Variants in PLD2 observed in about 807,000 individuals in gnomAD.
PLD2 encodes choline phosphatase 2.
In PLD2, 101 loss-of-function variants were observed where a neutral mutation model predicts 119.8. The observed-to-expected ratio is 0.84, with a 90% CI of 0.72 to 0.99. The LOEUF is 0.99. PLD2 is among the 50% of genes least tolerant of loss of function. The probability of loss-of-function intolerance (pLI) is 0.00; values close to 1 mark genes in which losing one functional copy is unlikely to be tolerated. For missense variants in PLD2, 1,164 were observed against 1,226.8 expected, an observed-to-expected ratio of 0.95 and a Z score of 0.76; for synonymous variants, 494 against 482.8, an observed-to-expected ratio of 1.02 and a Z score of -0.30.
intron 9 of PLD2, 98 bp downstream of exon 9, chr17:4,810,127 C>G: frequency 8.2e-7 from 1 of 1,218,822 alleles, no homozygotes; most frequent in East Asian, 2.5e-5. Context: ...GAGAGGAAGG[C>G]TTTTCCACCT....
chr17:4,821,714 A>G, intron 23 of PLD2, 79 bp from the exon 24 acceptor site: 1 of 997,274 alleles, frequency 1.0e-6, no homozygotes, highest in East Asian at 2.4e-5. Context: ...TTACCTGAGT[A>G]GGGACAATGT....
chr17:4,809,527 T>C lies in PLD2; in HGVS notation c.590T>C (p.Ile197Thr), dbSNP rs1402526886. 6.2e-7 allele frequency: 1 copy of C among 1,607,394 alleles called. No individual in the cohort carries two copies. Among genetic ancestry groups the C allele is most frequent in the Non-Finnish European group, 8.5e-7 (1 of 1,175,672 alleles). The change falls in exon 7 of 25, where the codon ATC (isoleucine) becomes ACC (threonine). Residue 197 changes from isoleucine to threonine, a missense_variant. Transcript: ENST00000263088. ...CTGGAAGTCAGTCAGCTGTCCTTTA[T>C]CCCGGACTTGGGCCGCAAAGGACTG... ...EFLEVSQLSF[I>T]PDLGRKGLEG...
chr17:4,809,150 C>A lies in PLD2; in HGVS notation c.434C>A (p.Pro145His). Residue 145 changes from proline (P) to histidine (H), a missense_variant, in exon 5 of 25, where the codon CCC (proline) becomes CAC (histidine). Transcript: ENST00000263088. ...CGAGATGCAGGCAACAGAGAGATGCCCTCTCTACCCCGGGCAGGTCCTGAG... is the reference window on the plus strand; with the variant it reads ...CGAGATGCAGGCAACAGAGAGATGCACTCTCTACCCCGGGCAGGTCCTGAG... ...PARDAGNREM[P>H]SLPRAGPEGS... 1 of 1,614,164 alleles carries A rather than the reference C, an allele frequency of 6.2e-7. No individual in the cohort carries two copies. The highest frequency in any genetic ancestry group is 8.5e-7 in the Non-Finnish European group (1 of 1,180,006).
chr17:4,816,126 A>T (rs564808643), intron 14 of PLD2, among the ~76,000 whole-genome samples, 192 bp downstream of exon 14: 2 of 152,264 alleles, frequency 1.3e-5, no homozygotes, highest in African/African-American at 4.8e-5. Flanking sequence ...TTATGCCTGT[A>T]ATCCCAGCAC....
In PLD2 at chr17:4,818,482, C is replaced by T. The variant is rs574935758; in HGVS notation, c.2010-12C>T. 3.7e-6 allele frequency: 6 copies of T among 1,607,884 alleles called. No individual in the cohort carries two copies. Among genetic ancestry groups the T allele is most frequent in the Admixed American group, 1.7e-5 (1 of 60,000 alleles). ...GGGACCAGTCGCACCTCTGACTCCA[C>T]CCCCTCCCCAGACAGGGGTGGTGTT... On this transcript the variant is annotated splice_polypyrimidine_tract_variant and intron_variant, in intron 19 of 24. Transcript: ENST00000263088.
At position 4,817,016 on chromosome 17, in the gene PLD2, C is replaced by A; in HGVS notation, c.1662C>A (p.Asp554Glu). The part of the protein sequence containing the change: ...GVVVHGLPAR[D>E]LARHFIQRWN... ...TCGTCCATGGCCTACCGGCCCGGGA[C>A]CTTGCCCGGCACTTCATCCAGCGCT... The change falls in exon 16 of 25, where the codon GAC becomes GAA. Residue 554 changes from aspartate to glutamate, a missense_variant. By Grantham distance (45) the Asp-to-Glu change is conservative. Coordinates refer to ENST00000263088, the MANE Select transcript of PLD2 (RefSeq NM_002663.5). 1.2e-6 allele frequency: 2 copies of A among 1,613,970 alleles called. No individual in the cohort carries two copies. Among genetic ancestry groups the A allele is most frequent in the East Asian group, 2.2e-5 (1 of 44,880 alleles).
chr17:4,809,684 C>T lies in PLD2; in HGVS notation c.615-7C>T, dbSNP rs926452200. On this transcript the variant is annotated splice_polypyrimidine_tract_variant and splice_region_variant and intron_variant, in intron 7 of 24. Coordinates refer to ENST00000263088, the MANE Select transcript of PLD2 (RefSeq NM_002663.5). ...TCATCCCGCCTCTCTTCCTGATTGT[C>T]CCACAGGGAGGGGATGATCCGGAAG... 1.2e-6 allele frequency: 2 copies of T among 1,613,886 alleles called. No homozygotes were observed. Among genetic ancestry groups the T allele is most frequent in the African/African-American group, 2.7e-5 (2 of 74,926 alleles).
In PLD2 at chr17:4,819,627, C is replaced by T. The variant is rs770337735; in HGVS notation, c.2462+45C>T. The T allele has an allele frequency of 5.1e-5, 79 of 1,557,186 alleles. No homozygotes were observed. The Middle Eastern group carries it at 8.6e-4, about 17-fold the overall frequency. On this transcript the variant is annotated intron_variant, in intron 23 of 24. Transcript: ENST00000263088. This position sits in a 1 kb window ranked among gnomAD's most constrained non-coding sequence, Gnocchi z 4.2. ...CCACAGGGTGGGAGGGAGATGGGGGCGTCTGCCTTTTGAGCAGGACAAGAG... is the reference window on the plus strand; with the variant it reads ...CCACAGGGTGGGAGGGAGATGGGGGTGTCTGCCTTTTGAGCAGGACAAGAG...
chr17:4,821,094 G>A (rs1907631341), intron 23 of PLD2, among the ~76,000 whole-genome samples: 1 of 149,262 alleles, frequency 6.7e-6, no homozygotes, highest in Admixed American at 6.7e-5. Flanking sequence ...AGTATAGATG[G>A]GGTTTCACCG....
rs1567533427 is a variant in PLD2 at position 4,818,277 on chromosome 17, GTC to G, written c.1921-16_1921-15del. On this transcript the variant is annotated intron_variant, in intron 18 of 24. Coordinates refer to ENST00000263088, the MANE Select transcript of PLD2 (RefSeq NM_002663.5). The stretch of plus-strand genomic sequence containing the variant: ...GCCAGGGGCCAGGCTGCTGATGTCT[GTC>G]TCTGATTCTTGCCCCAGAATCAGTT... 1.2e-6 allele frequency: 2 copies of G among 1,604,098 alleles called. No homozygotes were observed. Among genetic ancestry groups the G allele is most frequent in the South Asian group, 1.1e-5 (1 of 90,744 alleles).
chr17:4,814,193 G>A (rs1323974179), intron 10 of PLD2: 18 of 535,660 alleles, frequency 3.4e-5, no homozygotes, highest in Non-Finnish European at 5.0e-5. Flanking sequence ...TAATCCTCCT[G>A]TTCTTTAGTT....
At position 4,814,709 on chromosome 17, in the gene PLD2, G is replaced by A; in HGVS notation, c.1171G>A (p.Ala391Thr). Residue 391 changes from alanine to threonine, a missense_variant and splice_region_variant, in exon 12 of 25, where the codon GCG becomes ACG. Transcript: ENST00000263088. ...WRLDIMLKRK[A>T]EEGVRVSILL... ...ACTGGACATTATGCTCAAGAGGAAG[G>A]CGGTGAGGAGAGTGGTCAGGCCGCA... The A allele has an allele frequency of 6.2e-7, 1 of 1,613,990 alleles. No homozygotes were observed. The highest frequency in any genetic ancestry group is 8.5e-7 in the Non-Finnish European group (1 of 1,179,952).
Position 4,819,725 on chromosome 17 carries a change from C to G in PLD2, c.2462+143C>G. The G allele has an allele frequency of 1.2e-6, 1 of 813,020 alleles. No homozygotes were observed. Among genetic ancestry groups the G allele is most frequent in the Non-Finnish European group, 1.9e-6 (1 of 535,536 alleles). The allele number at this position is 813,020 out of a possible 1,614,324, so 50.4% of individuals were successfully genotyped here. On this transcript the variant is annotated intron_variant, in intron 23 of 24. Coordinates refer to ENST00000263088, the MANE Select transcript of PLD2 (RefSeq NM_002663.5). The surrounding 1 kb of genome is among the most constrained non-coding windows in gnomAD (Gnocchi z 4.2). ...GATTCTCAATAGGCAAGGCTGGGCG[C>G]GGCAGCTCACGCCTCTAATCCCAGC...
intron 24 of PLD2, 121 bp from the exon 25 acceptor site, chr17:4,822,519 T>C (rs1597341879): frequency 3.2e-6 from 2 of 619,116 alleles, no homozygotes; most frequent in South Asian, 2.1e-5. Flanking sequence ...AGAGAGTTAG[T>C]GGCCCAGGGT....
In PLD2 at chr17:4,808,373, C is replaced by G. The variant is rs772407427; in HGVS notation, c.340C>G (p.Leu114Val). ...TCATTTTCAGGAGCTGCATCGGGAC[C>G]TCCTGAGACACAAAGTCTTGATGAG... is the stretch of plus-strand genomic sequence containing the variant. ...YRHFQELHRD[L>V]LRHKVLMSLL... Residue 114 changes from leucine to valine, a missense_variant, in exon 4 of 25, where the codon CTC becomes GTC. Physicochemically the swap from Leu to Val is conservative, Grantham distance 32 (BLOSUM62 1). Coordinates refer to ENST00000263088, the MANE Select transcript of PLD2 (RefSeq NM_002663.5). The surrounding 1 kb of genome is among the most constrained non-coding windows in gnomAD (Gnocchi z 4.1). 2 of 1,614,072 alleles carry G rather than the reference C, an allele frequency of 1.2e-6. No homozygotes were observed. Among genetic ancestry groups the G allele is most frequent in the African/African-American group, 1.3e-5 (1 of 75,008 alleles).
Position 4,811,297 on chromosome 17 carries a change from C to CTTT in PLD2, c.1010+365_1010+367dup, listed in dbSNP as rs35190261. On this transcript the variant is annotated intron_variant, in intron 10 of 24. Transcript: ENST00000263088. ...CTTCATTTAATAAACATTTTCTTTT[C>CTTT]TTTTTTTTTTTTTTTTTTTTTGAGA... 2.3e-3 allele frequency among the ~76,000 whole-genome samples: 177 copies of CTTT among 77,762 alleles called. 1 individual carries two copies. Among genetic ancestry groups the CTTT allele is most frequent in the Middle Eastern group, 8.2e-3 (1 of 122 alleles). The allele number at this position is 77,762 out of a possible 152,430, so 51.0% of individuals were successfully genotyped here.
chr17:4,818,746 A>G (rs975784647), intron 20 of PLD2, 28 bp from the exon 21 acceptor site: 1 of 1,612,942 alleles, frequency 6.2e-7, no homozygotes, highest in African/African-American at 1.3e-5. Flanking sequence ...GCCAGCCTCC[A>G]CTTCTCTCCC....
chr17:4,807,584 T>G lies in PLD2; in HGVS notation c.-1-188T>G. On this transcript the variant is annotated intron_variant, in intron 1 of 24. Coordinates refer to ENST00000263088, the MANE Select transcript of PLD2 (RefSeq NM_002663.5). The surrounding 1 kb of genome is among the most constrained non-coding windows in gnomAD (Gnocchi z 5.4). ...GGGACTGGGATTGTGGATGAAGGAC[T>G]AAGGTAGGGGATGGGGGCTCGAAGG... 1 of 500,046 alleles carries G rather than the reference T, an allele frequency of 2.0e-6. No homozygotes were observed. Among genetic ancestry groups the G allele is most frequent in the South Asian group, 2.6e-5 (1 of 38,814 alleles). 31.0% of individuals were successfully genotyped at this position (500,046 alleles called of 1,614,324 possible).
In PLD2 at chr17:4,807,344, TA is replaced by T. The variant is rs1905952750; in HGVS notation, c.-2+120del. On this transcript the variant is annotated intron_variant, in intron 1 of 24. Transcript: ENST00000263088. The surrounding 1 kb of genome is among the most constrained non-coding windows in gnomAD (Gnocchi z 5.4). ...TCGCACGCTCAGATTTCGGGATTTC[TA>T]CCCCCGGCTGGGATCGCGTAACTTC... The T allele has an allele frequency of 1.3e-5, 2 of 154,486 alleles. No individual in the cohort carries two copies. The highest frequency in any genetic ancestry group is 4.8e-5 in the African/African-American group (2 of 41,474). 9.6% of individuals were successfully genotyped at this position (154,486 alleles called of 1,614,324 possible). A position where few individuals can be genotyped will look rare whatever the true frequency, so the allele number is the denominator to read the frequency against.
Sources: allele counts gnomAD v4.1 joint callset (sites outside exome capture counted in the v4.1 genomes callset), GRCh38; gene constraint gnomAD v4.1.1; non-coding constraint Gnocchi (gnomAD v3.1); transcripts MANE v1.5; gene names NCBI Gene and HGNC (gene_info 2026-07-23, HGNC 2026-07-21).